The following ROBO1 variants were observed in gnomAD, a reference collection of about 807,000 sequenced individuals.
ROBO1 encodes the protein roundabout guidance receptor 1, also known as roundabout homolog 1.
ROBO1 carries 149 observed loss-of-function variants against 195.9 expected under a neutral mutation model. The ratio of observed to expected loss-of-function variants is 0.76; its 90% CI spans 0.67 to 0.87. ROBO1 has a LOEUF of 0.87. Ranked by LOEUF, ROBO1 falls within the 40% of genes least tolerant of loss-of-function variation. ROBO1 has a pLI of 0.00. For synonymous variants in ROBO1, 816 were observed against 733.2 expected, an observed-to-expected ratio of 1.11 and a Z score of -1.82; for missense variants, 1,933 against 2,068.3, an observed-to-expected ratio of 0.93 and a Z score of 1.27.
intron 3 of ROBO1, among the ~76,000 whole-genome samples, chr3:79,067,750 TA>T (rs2079026959): frequency 6.6e-6 from 1 of 152,024 alleles, no homozygotes; most frequent in Admixed American, 6.6e-5. Flanking sequence ...GCTAAATTAA[TA>T]CAACAAACAT....
chr3:78,620,977 T>C (rs1055463356), intron 26 of ROBO1, among the ~76,000 whole-genome samples: 1 of 151,232 alleles, frequency 6.6e-6, no homozygotes, highest in Non-Finnish European at 1.5e-5. Context: ...AAAGCTAATA[T>C]ATTACATTGA....
At chr3:78,661,416 T>C (rs1428501119) in intron 15 of ROBO1, among the ~76,000 whole-genome samples, 155 bp from the exon 16 acceptor site, 2 of 152,024 alleles carry the variant, frequency 1.3e-5, no homozygotes, top group Non-Finnish European at 2.9e-5. Context: ...AAGGAAAAAA[T>C]AAAAATCATT....
At chr3:79,745,945 T>C (rs769939487) in intron 1 of ROBO1, among the ~76,000 whole-genome samples, 6 of 152,124 alleles carry the variant, frequency 3.9e-5, no homozygotes, top group Non-Finnish European at 8.8e-5. Context: ...AAAGGCATAA[T>C]TTTAAAAATT....
intron 2 of ROBO1, among the ~76,000 whole-genome samples, chr3:79,218,624 T>C (rs1392234179): frequency 6.6e-6 from 1 of 152,000 alleles, no homozygotes; most frequent in East Asian, 1.9e-4. Context: ...AAACTGAGTA[T>C]ACAATATTAG....
intron 21 of ROBO1, among the ~76,000 whole-genome samples, chr3:78,643,682 A>G (rs1706105722): frequency 6.6e-6 from 1 of 152,158 alleles, no homozygotes; most frequent in Non-Finnish European, 1.5e-5. Context: ...TAAACATGAT[A>G]GGTCCTATTG....
At chr3:79,627,350 A>G (rs915852659) in intron 1 of ROBO1, among the ~76,000 whole-genome samples, 1 of 152,206 alleles carries the variant, frequency 6.6e-6, no homozygotes, top group African/African-American at 2.4e-5. Flanking sequence ...AACACCATGT[A>G]TCTACAACCA....
At position 79,364,338 on chromosome 3, in the gene ROBO1, TTATG is replaced by T. The variant is rs780881987; in HGVS notation, c.88+225482_88+225485del. ...AACAGTAATTCCAAGTCATTGATAA[TTATG>T]TATTTATCATAATTCTATTATATAT... On this transcript the variant is annotated intron_variant, in intron 2 of 30. Transcript: ENST00000464233. Among the ~76,000 whole-genome samples the T allele has an allele frequency of 2.4e-4, 36 of 151,250 alleles. No homozygotes were observed. The East Asian group carries it at 6.6e-3, about 28-fold the overall frequency.
intron 1 of ROBO1, among the ~76,000 whole-genome samples, chr3:79,629,831 AC>A (rs1233045320): frequency 6.6e-6 from 1 of 152,074 alleles, no homozygotes; most frequent in East Asian, 1.9e-4. Context: ...TACCATATAA[AC>A]ATAAAATATC....
At chr3:79,539,313 C>A (rs1941983793) in intron 2 of ROBO1, among the ~76,000 whole-genome samples, 1 of 151,926 alleles carries the variant, frequency 6.6e-6, no homozygotes, top group Non-Finnish European at 1.5e-5. Flanking sequence ...AAGGAACATG[C>A]ACATAAACGT....
At chr3:78,719,525 C>T (rs976516152) in intron 5 of ROBO1, among the ~76,000 whole-genome samples, 28 of 152,056 alleles carry the variant, frequency 1.8e-4, no homozygotes, top group African/African-American at 6.7e-4. Flanking sequence ...TTTATATATA[C>T]ATATACACAT....
At chr3:78,658,667 T>C (rs1707191010) in intron 17 of ROBO1, among the ~76,000 whole-genome samples, 1 of 152,256 alleles carries the variant, frequency 6.6e-6, no homozygotes, top group African/African-American at 2.4e-5. Flanking sequence ...TAATAGGAAG[T>C]GAGATTTAAA....
intron 10 of ROBO1, among the ~76,000 whole-genome samples, chr3:78,678,913 G>A (rs2080811472): frequency 1.3e-5 from 2 of 152,140 alleles, no homozygotes; most frequent in South Asian, 4.1e-4. Flanking sequence ...GAACATTGAT[G>A]CAAAAATCCT....
intron 22 of ROBO1, among the ~76,000 whole-genome samples, chr3:78,638,397 AT>A (rs1705691463): frequency 1.3e-5 from 2 of 151,544 alleles, no homozygotes; most frequent in South Asian, 4.2e-4. Flanking sequence ...ATAAAATCTG[AT>A]TTTAAATTTC....
intron 2 of ROBO1, among the ~76,000 whole-genome samples, chr3:79,342,743 A>G (rs895460196): frequency 6.6e-6 from 1 of 152,160 alleles, no homozygotes; most frequent in African/African-American, 2.4e-5. Flanking sequence ...AAATCTTTAA[A>G]ATAGAGTTGA....
At chr3:79,376,034 A>G (rs1016132819) in intron 2 of ROBO1, among the ~76,000 whole-genome samples, 7 of 152,196 alleles carry the variant, frequency 4.6e-5, no homozygotes, top group Non-Finnish European at 1.0e-4. Context: ...TACATTGTAC[A>G]TCATTTCCAA....
At chr3:79,630,608 T>C (rs1387904491) in intron 1 of ROBO1, among the ~76,000 whole-genome samples, 2 of 152,022 alleles carry the variant, frequency 1.3e-5, no homozygotes, top group African/African-American at 4.8e-5. Flanking sequence ...TCAACACTTC[T>C]ATCCAACACA....
At chr3:79,588,077 C>A (rs565730333) in intron 2 of ROBO1, among the ~76,000 whole-genome samples, 3 of 151,504 alleles carry the variant, frequency 2.0e-5, no homozygotes, top group African/African-American at 7.3e-5. Context: ...TCAATTTGTG[C>A]GGTGAATTTT....
chr3:79,572,543 T>A (rs1943314211), intron 2 of ROBO1, among the ~76,000 whole-genome samples: 1 of 152,094 alleles, frequency 6.6e-6, no homozygotes, highest in Admixed American at 6.6e-5. Flanking sequence ...ACTATGCTTA[T>A]CTTTTTTTAA....
chr3:79,682,221 A>T (rs1946970727), intron 1 of ROBO1, among the ~76,000 whole-genome samples: 1 of 152,024 alleles, frequency 6.6e-6, no homozygotes, highest in Admixed American at 6.6e-5. Context: ...CATAATTCTT[A>T]TACTCTAATA....
Sources: gnomAD v4.1 joint callset for allele counts (sites outside exome capture counted in the v4.1 genomes callset) on GRCh38, gnomAD v4.1.1 for gene constraint, MANE v1.5 for transcripts, NCBI Gene and HGNC (gene_info 2026-07-23, HGNC 2026-07-21) for gene names.